ADAM18: variants seen among roughly 807,000 people sequenced by gnomAD.
ADAM18 encodes ADAM metallopeptidase domain 18.
In ADAM18, 117 loss-of-function variants were observed where a neutral mutation model predicts 94.4. The ratio of observed to expected loss-of-function variants is 1.24; its 90% CI spans 1.07 to 1.45. The LOEUF (loss-of-function observed/expected upper bound fraction) is 1.45, where lower values mean the gene tolerates loss of function less well. Ranked by LOEUF, ADAM18 falls within the 40% of genes most tolerant of loss-of-function variation. The pLI, the probability that ADAM18 is intolerant of heterozygous loss-of-function variation, is 0.00. For missense variants in ADAM18, 936 were observed against 880.0 expected, an observed-to-expected ratio of 1.06 and a Z score of -0.81; for synonymous variants, 327 against 291.6, an observed-to-expected ratio of 1.12 and a Z score of -1.24.
intron 16 of ADAM18, among the ~76,000 whole-genome samples, chr8:39,684,833 T>A (rs1821566021): frequency 6.6e-6 from 1 of 152,130 alleles, no homozygotes; most frequent in African/African-American, 2.4e-5. Flanking sequence ...TCAGGCCTGG[T>A]AGTTAAAATT....
intron 6 of ADAM18, among the ~76,000 whole-genome samples, chr8:39,623,855 C>G (rs1042298745): frequency 6.6e-6 from 1 of 152,164 alleles, no homozygotes; most frequent in Non-Finnish European, 1.5e-5. Flanking sequence ...CTTGGCCTCC[C>G]AAAGTGCTGG....
chr8:39,614,887 A>G (rs1819392114), intron 6 of ADAM18, among the ~76,000 whole-genome samples: 1 of 152,198 alleles, frequency 6.6e-6, no homozygotes, highest in Non-Finnish European at 1.5e-5. Context: ...TAAAGGGTTC[A>G]TATCAACAAG....
intron 17 of ADAM18, among the ~76,000 whole-genome samples, chr8:39,693,529 CG>C (rs898123216): frequency 6.6e-6 from 1 of 150,738 alleles, no homozygotes; most frequent in Non-Finnish European, 1.5e-5. Context: ...CAAAGTTATA[CG>C]TTTTTTGTAT....
chr8:39,680,872 T>C (rs1821438500), intron 16 of ADAM18, among the ~76,000 whole-genome samples: 1 of 152,196 alleles, frequency 6.6e-6, no homozygotes, highest in Non-Finnish European at 1.5e-5. Flanking sequence ...CATTTGGTGC[T>C]TATTTGATGC....
chr8:39,631,077 G>A (rs1010972039), intron 7 of ADAM18, among the ~76,000 whole-genome samples: 1 of 151,858 alleles, frequency 6.6e-6, no homozygotes, highest in African/African-American at 2.4e-5. Context: ...TTACTATTTT[G>A]TGGGGATTCC....
intron 10 of ADAM18, among the ~76,000 whole-genome samples, chr8:39,644,630 T>C (rs529406378): frequency 2.6e-5 from 4 of 152,070 alleles, no homozygotes; most frequent in Non-Finnish European, 4.4e-5. Flanking sequence ...CTGGCTTCTG[T>C]CCTGTCATTT....
intron 5 of ADAM18, 80 bp from the exon 6 acceptor site, chr8:39,610,449 A>G (rs918088460): frequency 4.9e-6 from 7 of 1,421,474 alleles, no homozygotes; most frequent in Non-Finnish European, 6.5e-6. Flanking sequence ...TTAATTTCTT[A>G]TGCCATTTCA....
chr8:39,661,880 A>T (rs561574268), intron 12 of ADAM18, among the ~76,000 whole-genome samples: 1 of 151,590 alleles, frequency 6.6e-6, no homozygotes, highest in East Asian at 1.9e-4. Context: ...TGCCCTTTCG[A>T]CAAAGACTAC....
rs111763532 is a variant in ADAM18 at position 39,652,770 on chromosome 8, G to A, written c.1230+4243G>A. 4.7e-4 allele frequency among the ~76,000 whole-genome samples: 71 copies of A among 152,230 alleles called. 1 individual carries two copies. Among genetic ancestry groups the A allele is most frequent in the African/African-American group, 1.7e-3 (70 of 41,538 alleles). ...TTCAGCCTTGTGTACAATAGCCAAG[G>A]AATCAACCTAAGTGTCTATCAATAA... On this transcript the variant is annotated intron_variant, in intron 12 of 19. Coordinates refer to ENST00000265707, the MANE Select transcript of ADAM18 (RefSeq NM_014237.3).
rs111726517 is a variant in ADAM18, at chr8:39,638,460, T to C, written c.828-5T>C. The stretch of plus-strand genomic sequence containing the variant: ...CTACGTTAATAAAAAATTATAATAA[T>C]GTAGTTACAGGAAACATCCTAAATA... On this transcript the variant is annotated splice_region_variant and splice_polypyrimidine_tract_variant and intron_variant, in intron 9 of 19. Coordinates refer to ENST00000265707, the MANE Select transcript of ADAM18 (RefSeq NM_014237.3). The C allele has an allele frequency of 1.3e-6, 2 of 1,534,328 alleles. No homozygotes were observed. Among genetic ancestry groups the C allele is most frequent in the African/African-American group, 2.8e-5 (2 of 71,898 alleles).
At chr8:39,673,530 A>C (rs2129580374) in intron 14 of ADAM18, among the ~76,000 whole-genome samples, 1 of 146,528 alleles carries the variant, frequency 6.8e-6, no homozygotes, top group Admixed American at 7.0e-5. Context: ...AAGTTATCTC[A>C]TTGTTCAATT....
chr8:39,629,474 A>AT, intron 7 of ADAM18, 35 bp downstream of exon 7: 1 of 1,373,222 alleles, frequency 7.3e-7, no homozygotes, highest in Non-Finnish European at 1.0e-6. Context: ...TCAAGAAGGA[A>AT]CTAAGTATGC....
intron 2 of ADAM18, among the ~76,000 whole-genome samples, chr8:39,586,790 ATC>A (rs1563263527): frequency 7.2e-5 from 10 of 138,184 alleles, no homozygotes; most frequent in Admixed American, 3.0e-4. Flanking sequence ...CTATCTATCT[ATC>A]TATCTATCTA....
chr8:39,682,998 T>A (rs779362076), intron 16 of ADAM18, among the ~76,000 whole-genome samples: 1 of 152,190 alleles, frequency 6.6e-6, no homozygotes, highest in Non-Finnish European at 1.5e-5. Context: ...ACACATTCCC[T>A]ACCAACCAAG....
intron 6 of ADAM18, among the ~76,000 whole-genome samples, chr8:39,615,726 A>T (rs1056414416): frequency 1.3e-5 from 2 of 152,212 alleles, no homozygotes; most frequent in Non-Finnish European, 2.9e-5. Flanking sequence ...ATCACGTAAG[A>T]GAAAGAAAAG....
chr8:39,696,997 A>G (rs1821945784), intron 17 of ADAM18, among the ~76,000 whole-genome samples: 1 of 151,568 alleles, frequency 6.6e-6, no homozygotes, highest in African/African-American at 2.4e-5. Context: ...TCAAATCATG[A>G]ACATGAGATG....
chr8:39,720,564 T>C (rs963524154), intron 18 of ADAM18, among the ~76,000 whole-genome samples: 3 of 151,462 alleles, frequency 2.0e-5, no homozygotes, highest in Non-Finnish European at 4.4e-5. Context: ...CCATTCTTTA[T>C]CAAATAAAAT....
chr8:39,710,879 A>G (rs1049928167), intron 18 of ADAM18, among the ~76,000 whole-genome samples: 3 of 152,214 alleles, frequency 2.0e-5, no homozygotes, highest in African/African-American at 7.2e-5. Flanking sequence ...AAAATTTAGA[A>G]TGCCATATGC....
chr8:39,699,972 A>G (rs1421314342), intron 17 of ADAM18, among the ~76,000 whole-genome samples: 1 of 152,226 alleles, frequency 6.6e-6, no homozygotes, highest in Non-Finnish European at 1.5e-5. Context: ...CAAAGATTAC[A>G]GAGAAATGTA....
Sources: gnomAD v4.1 joint callset for allele counts (sites outside exome capture counted in the v4.1 genomes callset) on GRCh38, gnomAD v4.1.1 for gene constraint, MANE v1.5 for transcripts, NCBI Gene and HGNC (gene_info 2026-07-23, HGNC 2026-07-21) for gene names.